Variants in LRRC7 observed in about 807,000 individuals in gnomAD.
LRRC7 encodes the protein leucine rich repeat containing 7.
Under a neutral mutation model 175.7 loss-of-function variants are expected in LRRC7, and 23 were observed. The observed-to-expected ratio is 0.13, with a 90% CI of 0.09 to 0.19. The LOEUF is 0.19. LRRC7 is among the 10% of genes least tolerant of loss of function. The probability of loss-of-function intolerance (pLI) is 1.00; values close to 1 mark genes in which losing one functional copy is unlikely to be tolerated. For missense variants in LRRC7, 1,354 were observed against 1,904.7 expected, an observed-to-expected ratio of 0.71 and a Z score of 5.38; for synonymous variants, 685 against 680.9, an observed-to-expected ratio of 1.01 and a Z score of -0.09.
In LRRC7 at chr1:69,713,063, T is replaced by C. The variant is rs75871783; in HGVS notation, c.100+34585T>C. Among the ~76,000 whole-genome samples, 621 of 152,336 alleles carry C rather than the reference T, an allele frequency of 4.1e-3. 8 individuals carry two copies. The highest frequency in any genetic ancestry group is 0.027 in the East Asian group (142 of 5,188). On this transcript the variant is annotated intron_variant, in intron 2 of 26. Coordinates refer to ENST00000651989, the MANE Select transcript of LRRC7 (RefSeq NM_001370785.2). The stretch of plus-strand genomic sequence containing the variant: ...ATTACAGACAACAAGAATGTAATAG[T>C]TTATTTTTAAGATATCACTTTCATG...
At chr1:69,637,680 G>A (rs1300364904) in intron 1 of LRRC7, among the ~76,000 whole-genome samples, 1 of 151,816 alleles carries the variant, frequency 6.6e-6, no homozygotes, top group Non-Finnish European at 1.5e-5. Context: ...ATGACTATTT[G>A]TAAGCATCTA....
chr1:70,140,959 G>A lies in LRRC7; in HGVS notation c.*19072G>A, dbSNP rs1017493970. 4.6e-5 allele frequency among the ~76,000 whole-genome samples: 7 copies of A among 152,048 alleles called. No individual in the cohort carries two copies. The highest frequency in any genetic ancestry group is 8.8e-5 in the Non-Finnish European group (6 of 67,978). ...TTCTATAAACAACTTTCCTCAGTTC[G>A]CAACTGAGGTGTAGCCCAGGGAATA... On this transcript the variant is annotated 3_prime_UTR_variant, in exon 27 of 27. Transcript: ENST00000651989.
chr1:69,945,314 A>G (rs748355554), intron 8 of LRRC7, among the ~76,000 whole-genome samples: 1 of 151,996 alleles, frequency 6.6e-6, no homozygotes, highest in Non-Finnish European at 1.5e-5. Context: ...TCATTAGTAT[A>G]AATGTGGTTT....
At chr1:69,911,342 T>C (rs1646523854) in intron 7 of LRRC7, among the ~76,000 whole-genome samples, 1 of 152,206 alleles carries the variant, frequency 6.6e-6, no homozygotes, top group Non-Finnish European at 1.5e-5. Flanking sequence ...CCTTCTTGGC[T>C]CCACCCTGTT....
chr1:70,020,923 C>A, intron 15 of LRRC7, 82 bp from the exon 16 acceptor site: 1 of 1,137,326 alleles, frequency 8.8e-7, no homozygotes, highest in Non-Finnish European at 1.2e-6. Context: ...TAGTATCTAT[C>A]ACCATTTTTG....
intron 1 of LRRC7, among the ~76,000 whole-genome samples, chr1:69,572,355 C>A (rs927312170): frequency 2.6e-5 from 4 of 151,874 alleles, no homozygotes; most frequent in African/African-American, 9.7e-5. Context: ...AACAAAAAAG[C>A]AAATTATATA....
At chr1:69,812,675 A>G (rs943188604) in intron 4 of LRRC7, among the ~76,000 whole-genome samples, 4 of 152,112 alleles carry the variant, frequency 2.6e-5, no homozygotes, top group Non-Finnish European at 5.9e-5. Flanking sequence ...TTAGCATATA[A>G]CATTTATATC....
At chr1:69,696,802 T>C (rs1662652233) in intron 2 of LRRC7, among the ~76,000 whole-genome samples, 1 of 152,206 alleles carries the variant, frequency 6.6e-6, no homozygotes, top group Admixed American at 6.5e-5. Flanking sequence ...CTAGTTCTCA[T>C]GTTGCCTTCT....
intron 4 of LRRC7, among the ~76,000 whole-genome samples, chr1:69,822,040 C>A (rs930863179): frequency 6.6e-6 from 1 of 152,130 alleles, no homozygotes; most frequent in Non-Finnish European, 1.5e-5. Flanking sequence ...AGAGAAACAC[C>A]TTCACCAGTC....
intron 1 of LRRC7, chr1:69,607,548 G>C (rs1248884819): frequency 6.6e-6 from 1 of 151,922 alleles, no homozygotes; most frequent in Non-Finnish European, 1.5e-5. Flanking sequence ...GCTTTAGCTT[G>C]TTCATATTTA....
At chr1:69,784,981 A>T (rs1200849082) in intron 3 of LRRC7, among the ~76,000 whole-genome samples, 1 of 152,160 alleles carries the variant, frequency 6.6e-6, no homozygotes, top group Admixed American at 6.5e-5. Flanking sequence ...CTAGCACATG[A>T]TCAACTGTAA....
In LRRC7 at chr1:69,668,245, A is replaced by G. The variant is rs143825293; in HGVS notation, c.3-10136A>G. Among the ~76,000 whole-genome samples, 369 of 152,092 alleles carry G rather than the reference A, an allele frequency of 2.4e-3. 1 individual carries two copies. The highest frequency in any genetic ancestry group is 8.7e-3 in the African/African-American group (360 of 41,464). On this transcript the variant is annotated intron_variant, in intron 1 of 26. Transcript: ENST00000651989. ...TGTGCCACGGTGGTTTGCTGCACCCATCAACCCATCATCTACATTAGGTAT... is the reference window on the plus strand; with the variant it reads ...TGTGCCACGGTGGTTTGCTGCACCCGTCAACCCATCATCTACATTAGGTAT...
chr1:69,969,458 A>G (rs1391782051), intron 8 of LRRC7, among the ~76,000 whole-genome samples: 1 of 152,186 alleles, frequency 6.6e-6, no homozygotes, highest in Non-Finnish European at 1.5e-5. Context: ...GCAAATGGAC[A>G]CCAAATGCGA....
At chr1:69,611,698 G>C (rs962809732) in intron 1 of LRRC7, among the ~76,000 whole-genome samples, 1 of 151,876 alleles carries the variant, frequency 6.6e-6, no homozygotes, top group Non-Finnish European at 1.5e-5. Flanking sequence ...AACCCTTTTT[G>C]CTCTTAGCAA....
At chr1:69,980,478 G>T (rs751854713) in intron 9 of LRRC7, 25 bp downstream of exon 9, 23 of 1,500,556 alleles carry the variant, frequency 1.5e-5, no homozygotes, top group Non-Finnish European at 2.1e-5. Flanking sequence ...ATTCTACCAT[G>T]TTGTTTAATA....
chr1:69,630,513 A>G (rs919421348), intron 1 of LRRC7, among the ~76,000 whole-genome samples: 2 of 152,134 alleles, frequency 1.3e-5, no homozygotes, highest in Admixed American at 1.3e-4. Flanking sequence ...ATTAGTAACG[A>G]ATATTATTTA....
chr1:69,846,106 G>T (rs1462431840), intron 7 of LRRC7, among the ~76,000 whole-genome samples: 1 of 151,972 alleles, frequency 6.6e-6, no homozygotes, highest in African/African-American at 2.4e-5. Flanking sequence ...GAAATAAGTG[G>T]ATAATTATGA....
intron 8 of LRRC7, among the ~76,000 whole-genome samples, chr1:69,972,694 A>G (rs1016638220): frequency 6.6e-6 from 1 of 152,068 alleles, no homozygotes; most frequent in Admixed American, 6.6e-5. Flanking sequence ...TACAACCACT[A>G]TGGAAAACAG....
At position 70,123,270 on chromosome 1, in the gene LRRC7, A is replaced by T. The variant is rs1015998206; in HGVS notation, c.*1383A>T. ...AGGATAATTTCCCGGAGTTGGTTGC[A>T]TGCATTATCTTTCATAATTTTACAT... On this transcript the variant is annotated 3_prime_UTR_variant, in exon 27 of 27. Coordinates refer to ENST00000651989, the MANE Select transcript of LRRC7 (RefSeq NM_001370785.2). The T allele has an allele frequency of 6.6e-6, 1 of 152,166 alleles. No individual in the cohort carries two copies. 9.4% of individuals were successfully genotyped at this position (152,166 alleles called of 1,614,324 possible).
Sources: gnomAD v4.1 joint callset for allele counts (sites outside exome capture counted in the v4.1 genomes callset) on GRCh38, gnomAD v4.1.1 for gene constraint, MANE v1.5 for transcripts, NCBI Gene and HGNC (gene_info 2026-07-23, HGNC 2026-07-21) for gene names.